RFTN2: variants seen among roughly 807,000 people sequenced by gnomAD.
RFTN2 encodes raftlin-2.
Under a neutral mutation model 52.7 loss-of-function variants are expected in RFTN2, and 34 were observed. The ratio of observed to expected loss-of-function variants is 0.64; its 90% CI spans 0.49 to 0.86. The LOEUF (loss-of-function observed/expected upper bound fraction) is 0.86, where lower values mean the gene tolerates loss of function less well. Among genes scored for constraint, RFTN2 ranks in the 40% least tolerant of loss-of-function variants. The pLI is 0.00. For missense variants in RFTN2, 536 were observed against 600.1 expected (o/e 0.89, Z 1.12); for synonymous variants, 203 against 217.7 (o/e 0.93, Z 0.59).
At chr2:197,590,050 C>T (rs1048409609) in intron 8 of RFTN2, among the ~76,000 whole-genome samples, 6 of 151,318 alleles carry the variant, frequency 4.0e-5, no homozygotes, top group Non-Finnish European at 5.9e-5. Context: ...TGGGATTACC[C>T]GTGTGCGCCA....
chr2:197,599,966 C>T (rs1441180950), intron 7 of RFTN2, among the ~76,000 whole-genome samples: 1 of 152,158 alleles, frequency 6.6e-6, no homozygotes, highest in African/African-American at 2.4e-5. Flanking sequence ...TCAAGGGATT[C>T]TCCTGCCTCA....
chr2:197,605,024 TG>T (rs2087937010), intron 7 of RFTN2, among the ~76,000 whole-genome samples: 1 of 152,190 alleles, frequency 6.6e-6, no homozygotes, highest in Non-Finnish European at 1.5e-5. Context: ...CCCAAAGTGC[TG>T]GGATTATAGA....
intron 1 of RFTN2, among the ~76,000 whole-genome samples, chr2:197,671,913 G>A (rs2089152652): frequency 6.6e-6 from 1 of 152,136 alleles, no homozygotes; most frequent in Non-Finnish European, 1.5e-5. Context: ...ATACAAGGAG[G>A]TAAATTAATC....
intron 8 of RFTN2, among the ~76,000 whole-genome samples, chr2:197,588,243 C>T (rs2087633405): frequency 6.6e-6 from 1 of 152,170 alleles, no homozygotes; most frequent in Non-Finnish European, 1.5e-5. Context: ...TTTGCATGCA[C>T]ACAGACGATG....
At chr2:197,594,496 T>A (rs2087766351) in intron 8 of RFTN2, among the ~76,000 whole-genome samples, 2 of 151,980 alleles carry the variant, frequency 1.3e-5, no homozygotes, top group African/African-American at 4.8e-5. Flanking sequence ...CCTGCCTAAT[T>A]TATTTTTTAA....
chr2:197,611,486 T>C (rs1046182776), intron 7 of RFTN2, among the ~76,000 whole-genome samples: 1 of 152,178 alleles, frequency 6.6e-6, no homozygotes, highest in Non-Finnish European at 1.5e-5. Flanking sequence ...ATTGCGTCTA[T>C]TTGATTCTTC....
intron 3 of RFTN2, 152 bp downstream of exon 3, chr2:197,644,006 C>G: frequency 1.7e-6 from 1 of 601,866 alleles, no homozygotes; most frequent in East Asian, 3.0e-5. Flanking sequence ...AAACGCTTTA[C>G]CATTTGGCAC....
At chr2:197,645,913 C>G (rs1040970903) in intron 2 of RFTN2, among the ~76,000 whole-genome samples, 1 of 152,052 alleles carries the variant, frequency 6.6e-6, no homozygotes, top group Non-Finnish European at 1.5e-5. Flanking sequence ...GTAATCCCAG[C>G]TACTTGGGAG....
chr2:197,584,198 C>T (rs1011416545), intron 8 of RFTN2, among the ~76,000 whole-genome samples: 27 of 152,188 alleles, frequency 1.8e-4, no homozygotes, highest in Non-Finnish European at 2.6e-4. Flanking sequence ...TGAGGAATCG[C>T]CACACTGTCT....
chr2:197,657,024 A>C (rs2088903633), intron 1 of RFTN2, among the ~76,000 whole-genome samples: 1 of 119,328 alleles, frequency 8.4e-6, no homozygotes, highest in African/African-American at 3.2e-5. Flanking sequence ...AGTTAAAAAA[A>C]TAAAAAAAAA....
chr2:197,659,132 A>G (rs1160178466), intron 1 of RFTN2, among the ~76,000 whole-genome samples: 1 of 152,216 alleles, frequency 6.6e-6, no homozygotes, highest in Non-Finnish European at 1.5e-5. Context: ...TAACTCTATG[A>G]AAATAGTCCA....
intron 8 of RFTN2, among the ~76,000 whole-genome samples, chr2:197,575,800 AT>A (rs1375838285): frequency 1.5e-5 from 2 of 137,550 alleles, no homozygotes; most frequent in African/African-American, 5.3e-5. Flanking sequence ...TATTATATAT[AT>A]TTTATATACA....
chr2:197,652,507 A>G (rs910774708), intron 1 of RFTN2, among the ~76,000 whole-genome samples: 3 of 152,220 alleles, frequency 2.0e-5, no homozygotes, highest in Admixed American at 2.0e-4. Context: ...CATTTCACTT[A>G]ATTTCCTTTT....
Position 197,675,492 on chromosome 2 carries a change from G to C in RFTN2, c.-34C>G. ...CTGTAAGGAATTAAATTGCAGGAAA[G>C]GGGAGGGAGAGCAGCAAATTCTGTT... is the stretch of plus-strand genomic sequence containing the variant. On this transcript the variant is annotated 5_prime_UTR_variant, in exon 1 of 9. Transcript: ENST00000295049. 1 of 1,451,736 alleles carries C rather than the reference G, an allele frequency of 6.9e-7. No homozygotes were observed. Among genetic ancestry groups the C allele is most frequent in the Admixed American group, 2.3e-5 (1 of 42,574 alleles). 89.9% of individuals were successfully genotyped at this position (1,451,736 alleles called of 1,614,324 possible).
chr2:197,636,551 G>T, intron 3 of RFTN2, among the ~76,000 whole-genome samples: 1 of 46,052 alleles, frequency 2.2e-5, no homozygotes, highest in Non-Finnish European at 4.3e-5. Flanking sequence ...GTCTGTTGTT[G>T]GTGTATAAGA....
rs1039429861 is a variant in RFTN2, at chr2:197,568,928, T to C, written c.*3080A>G. 6.6e-6 allele frequency: 1 copy of C among 152,244 alleles called. No individual in the cohort carries two copies. Among genetic ancestry groups the C allele is most frequent in the African/African-American group, 2.4e-5 (1 of 41,452 alleles). 9.4% of individuals were successfully genotyped at this position (152,244 alleles called of 1,614,324 possible). Reference sequence around the variant, plus strand: ...AACACAAATGATTTGGAGATAGTTGTGATTTGAATAGACTGTAGCTCTGTC... The same window carrying C: ...AACACAAATGATTTGGAGATAGTTGCGATTTGAATAGACTGTAGCTCTGTC... On this transcript the variant is annotated 3_prime_UTR_variant, in exon 9 of 9. Coordinates refer to ENST00000295049, the MANE Select transcript of RFTN2 (RefSeq NM_144629.3).
chr2:197,620,352 T>C (rs565055076), intron 5 of RFTN2, among the ~76,000 whole-genome samples: 1 of 152,266 alleles, frequency 6.6e-6, no homozygotes, highest in East Asian at 1.9e-4. Flanking sequence ...TGGAAGTTCT[T>C]TTGTCTCCTA....
At chr2:197,587,428 AG>A (rs574138480) in intron 8 of RFTN2, among the ~76,000 whole-genome samples, 146 of 152,338 alleles carry the variant, frequency 9.6e-4, no homozygotes, top group African/African-American at 3.3e-3. Context: ...GAATCACAAA[AG>A]AAGTGAAAAT....
chr2:197,628,804 A>T (rs925238675), intron 5 of RFTN2, among the ~76,000 whole-genome samples: 36 of 152,340 alleles, frequency 2.4e-4, no homozygotes, highest in African/African-American at 8.2e-4. Context: ...ATCTTGTTAC[A>T]TCATCACAAC....
Sources: gnomAD v4.1 joint callset for allele counts (sites outside exome capture counted in the v4.1 genomes callset) on GRCh38, gnomAD v4.1.1 for gene constraint, MANE v1.5 for transcripts, NCBI Gene and HGNC (gene_info 2026-07-23, HGNC 2026-07-21) for gene names.